Variants in TNXB observed in about 807,000 individuals in gnomAD.
The protein encoded by TNXB is tenascin XB.
Under a neutral mutation model 340.5 loss-of-function variants are expected in TNXB, and 183 were observed. The observed-to-expected ratio is 0.54, with a 90% confidence interval of 0.48 to 0.61. TNXB has a LOEUF of 0.61. Ranked by LOEUF, TNXB falls within the 20% of genes least tolerant of loss-of-function variation. TNXB has a pLI of 0.00. For missense variants in TNXB, 4,613 were observed against 5,446.4 expected, an observed-to-expected ratio of 0.85 and a Z score of 4.82; for synonymous variants, 2,121 against 2,314.5, an observed-to-expected ratio of 0.92 and a Z score of 2.40.
At position 32,075,003 on chromosome 6, in the gene TNXB, G is replaced by A. The variant is rs893874659; in HGVS notation, c.4376-1051C>T. 6.6e-6 allele frequency among the ~76,000 whole-genome samples: 1 copy of A among 152,178 alleles called. No individual in the cohort carries two copies. Among genetic ancestry groups the A allele is most frequent in the African/African-American group, 2.4e-5 (1 of 41,454 alleles). ...CCAGGATTACAACTTCATTCTTCCA[G>A]CTGCTCAGATCTAAACCGCCAGAGT... On this transcript the variant is annotated intron_variant, in intron 11 of 43. Coordinates refer to ENST00000644971, the MANE Select transcript of TNXB (RefSeq NM_001365276.2). The surrounding 1 kb of genome is among the most constrained non-coding windows in gnomAD (Gnocchi z 4.6).
Position 32,049,968 on chromosome 6 carries a change from C to T in TNXB, c.9439+30G>A. On this transcript the variant is annotated intron_variant, in intron 27 of 43. Coordinates refer to ENST00000644971, the MANE Select transcript of TNXB (RefSeq NM_001365276.2). This position sits in a 1 kb window ranked among gnomAD's most constrained non-coding sequence, Gnocchi z 4.5. Reference sequence around the variant, plus strand: ...AGCAAGAGGTGGCCCTCCCACAGCTCCCACCCTGGGGCTCCCATCATTCAC... The same window carrying T: ...AGCAAGAGGTGGCCCTCCCACAGCTTCCACCCTGGGGCTCCCATCATTCAC... The T allele has an allele frequency of 6.2e-7, 1 of 1,611,734 alleles. No homozygotes were observed. Among genetic ancestry groups the T allele is most frequent in the Non-Finnish European group, 8.5e-7 (1 of 1,178,158 alleles).
At position 32,056,038 on chromosome 6, in the gene TNXB, C is replaced by T. The variant is rs544204352; in HGVS notation, c.8280G>A (p.Gln2760=). The part of the protein sequence containing the change: ...DSLSLSWTIP[Q]GHFDSFTVQY... ...GCACGGTGAAGGAGTCGAAGTGGCC[C>T]TGGGGGATGGTCCAGGAGAGGCTCA... is the stretch of plus-strand genomic sequence containing the variant. The change falls in exon 24 of 44, where the codon CAG becomes CAA. Residue 2760 remains glutamine (Q), a synonymous_variant. Transcript: ENST00000644971. The T allele has an allele frequency of 1.9e-6, 3 of 1,613,058 alleles. No individual in the cohort carries two copies. Among genetic ancestry groups the T allele is most frequent in the African/African-American group, 2.7e-5 (2 of 75,046 alleles).
chr6:32,092,127 G>A (rs948176382), intron 4 of TNXB, among the ~76,000 whole-genome samples: 1 of 152,226 alleles, frequency 6.6e-6, no homozygotes, highest in African/African-American at 2.4e-5. Context: ...CCTCAGGCTG[G>A]AGGGGCATCA....
chr6:32,084,703 T>C lies in TNXB; in HGVS notation c.3155A>G (p.Asp1052Gly), dbSNP rs1196181140. The C allele has an allele frequency of 3.8e-6, 6 of 1,564,600 alleles. No homozygotes were observed. In the South Asian group the frequency reaches 4.7e-5, roughly 12 times the overall value. Residue 1052 changes from aspartate to glycine, a missense_variant, in exon 8 of 44, where the codon GAT becomes GGT. Transcript: ENST00000644971. The surrounding 1 kb of genome is among the most constrained non-coding windows in gnomAD (Gnocchi z 5.5). ...PIIYQGIMDK[D>G]EEKPGKSSGP... is the part of the protein sequence containing the mutation. Reference sequence around the variant, plus strand: ...TGAGGACTTCCCAGGCTTCTCCTCATCCTTGTCTGGAGTTTGAGAGGCAAA... The same window carrying C: ...TGAGGACTTCCCAGGCTTCTCCTCACCCTTGTCTGGAGTTTGAGAGGCAAA...
intron 24 of TNXB, among the ~76,000 whole-genome samples, chr6:32,054,728 T>C (rs1777527806): frequency 6.6e-6 from 1 of 152,144 alleles, no homozygotes; most frequent in African/African-American, 2.4e-5. Flanking sequence ...GTGAGCCCCA[T>C]GAAAACATGA....
rs1267543827 is a variant in TNXB at position 32,064,413 on chromosome 6, G to C, written c.6841+408C>G. 2.0e-5 allele frequency among the ~76,000 whole-genome samples: 3 copies of C among 152,076 alleles called. No homozygotes were observed. The highest frequency in any genetic ancestry group is 7.2e-5 in the African/African-American group (3 of 41,410). ...TTTTTAGTAGAGATGGGGGTTTCATGATGTTGGCCAGGCTGGTCTCGAACT... is the reference window on the plus strand; with the variant it reads ...TTTTTAGTAGAGATGGGGGTTTCATCATGTTGGCCAGGCTGGTCTCGAACT... On this transcript the variant is annotated intron_variant, in intron 19 of 43. Coordinates refer to ENST00000644971, the MANE Select transcript of TNXB (RefSeq NM_001365276.2). The surrounding 1 kb of genome is among the most constrained non-coding windows in gnomAD (Gnocchi z 5.3).
Position 32,097,628 on chromosome 6 carries a change from G to T in TNXB, c.403+168C>A. ...CTCTCAGGGCCCTCGCATATGCTTT[G>T]GTTGACATGTAGCCCAGCTCTGCTC... On this transcript the variant is annotated intron_variant, in intron 2 of 43. Transcript: ENST00000644971. This position sits in a 1 kb window ranked among gnomAD's most constrained non-coding sequence, Gnocchi z 5.9. 1 of 1,091,588 alleles carries T rather than the reference G, an allele frequency of 9.2e-7. No individual in the cohort carries two copies. Among genetic ancestry groups the T allele is most frequent in the Non-Finnish European group, 1.3e-6 (1 of 785,718 alleles). 67.6% of individuals were successfully genotyped at this position (1,091,588 alleles called of 1,614,324 possible). A position where few individuals can be genotyped will look rare whatever the true frequency, so the allele number is the denominator to read the frequency against.
chr6:32,073,981 G>T lies in TNXB; in HGVS notation c.4376-29C>A. The T allele has an allele frequency of 6.6e-7, 1 of 1,520,712 alleles. No individual in the cohort carries two copies. Among genetic ancestry groups the T allele is most frequent in the African/African-American group, 1.4e-5 (1 of 72,170 alleles). 94.2% of individuals were successfully genotyped at this position (1,520,712 alleles called of 1,614,324 possible). On this transcript the variant is annotated intron_variant, in intron 11 of 43. Transcript: ENST00000644971. The surrounding 1 kb of genome is among the most constrained non-coding windows in gnomAD (Gnocchi z 4.6). ...GGACAGAGATGGTAGGGGGCTGTTA[G>T]TAAAGAATCCCCCTTTTCTTATAGT...
rs958905021 is a variant in TNXB, at chr6:32,097,526, C to A, written c.404-77G>T. The stretch of plus-strand genomic sequence containing the variant: ...TGAGCCTATGTAGTGCTCCTATGTG[C>A]AGGCCCCTAGCCAGGCTAGCCTCAT... On this transcript the variant is annotated intron_variant, in intron 2 of 43. Transcript: ENST00000644971. The surrounding 1 kb of genome is among the most constrained non-coding windows in gnomAD (Gnocchi z 5.9). 2 of 1,503,460 alleles carry A rather than the reference C, an allele frequency of 1.3e-6. No homozygotes were observed. Among genetic ancestry groups the A allele is most frequent in the African/African-American group, 2.8e-5 (2 of 72,498 alleles). 93.1% of individuals were successfully genotyped at this position (1,503,460 alleles called of 1,614,324 possible).
At chr6:32,095,517 C>T in intron 3 of TNXB, 94 bp downstream of exon 3, 5 of 1,468,430 alleles carry the variant, frequency 3.4e-6, no homozygotes, top group Non-Finnish European at 3.7e-6. Context: ...ATGACATGCT[C>T]TCCCTCCACT....
At chr6:32,086,250 G>A in intron 6 of TNXB, 132 bp from the exon 7 acceptor site, 1 of 1,105,416 alleles carries the variant, frequency 9.0e-7, no homozygotes, top group South Asian at 2.2e-5. Flanking sequence ...CCTCACCTGG[G>A]CCACTCCCTC....
In TNXB at chr6:32,095,798, G is replaced by A. The variant is rs762670742; in HGVS notation, c.2055C>T (p.Ala685=). Residue 685 remains alanine (A), a synonymous_variant, in exon 3 of 44, where the codon GCC becomes GCT. Coordinates refer to ENST00000644971, the MANE Select transcript of TNXB (RefSeq NM_001365276.2). ...GCCCGCAGCCTCCAGGGCAGGCGCT[G>A]GCTGGAGGCTCTTCCTGCCCGCAGT... ...GEDCGQEEPP[A]SACPGGCGPR... The A allele has an allele frequency of 1.1e-5, 17 of 1,612,884 alleles. No individual in the cohort carries two copies. The highest frequency in any genetic ancestry group is 1.4e-5 in the Non-Finnish European group (16 of 1,179,536).
At chr6:32,093,293 C>G (rs1407325802) in intron 4 of TNXB, 2 of 676,436 alleles carry the variant, frequency 3.0e-6, no homozygotes, top group Non-Finnish European at 5.4e-6. Context: ...TCTCTAGTTG[C>G]CAAATTCTTG....
Position 32,089,446 on chromosome 6 carries a change from T to G in TNXB, c.2359-67A>C. 6.6e-7 allele frequency: 1 copy of G among 1,524,630 alleles called. No homozygotes were observed. The highest frequency in any genetic ancestry group is 8.8e-7 in the Non-Finnish European group (1 of 1,133,724). 94.4% of individuals were successfully genotyped at this position (1,524,630 alleles called of 1,614,324 possible). ...TGCCTCTGCTGCTCAATCCCCCTTA[T>G]CTCTTCTTTCTCCAATTCTAAACAG... On this transcript the variant is annotated intron_variant, in intron 4 of 43. Coordinates refer to ENST00000644971, the MANE Select transcript of TNXB (RefSeq NM_001365276.2). The surrounding 1 kb of genome is among the most constrained non-coding windows in gnomAD (Gnocchi z 6.2).
At position 32,079,426 on chromosome 6, in the gene TNXB, C is replaced by G. The variant is rs1177184428; in HGVS notation, c.4043-61G>C. The stretch of plus-strand genomic sequence containing the variant: ...CTTTGCTGCTGCTGCCCACAGATGA[C>G]AGCCATGGAAATGCCCTTACGCTGT... On this transcript the variant is annotated intron_variant, in intron 10 of 43. Coordinates refer to ENST00000644971, the MANE Select transcript of TNXB (RefSeq NM_001365276.2). The surrounding 1 kb of genome is among the most constrained non-coding windows in gnomAD (Gnocchi z 7.1). The G allele has an allele frequency of 2.9e-6, 4 of 1,392,050 alleles. No individual in the cohort carries two copies. The highest frequency in any genetic ancestry group is 3.9e-6 in the Non-Finnish European group (4 of 1,020,298). The allele number at this position is 1,392,050 out of a possible 1,614,324, so 86.2% of individuals were successfully genotyped here.
In TNXB at chr6:32,073,617, AG is replaced by A; in HGVS notation, c.4681+29del. 6.3e-7 allele frequency: 1 copy of A among 1,584,964 alleles called. No homozygotes were observed. Among genetic ancestry groups the A allele is most frequent in the Admixed American group, 1.7e-5 (1 of 59,020 alleles). On this transcript the variant is annotated intron_variant, in intron 12 of 43. Transcript: ENST00000644971. The surrounding 1 kb of genome is among the most constrained non-coding windows in gnomAD (Gnocchi z 4.6). Reference sequence around the variant, plus strand: ...GGGTGGGGGAGCTCTGGGTAACCAGAGATGAGGACTGAGTCCCCCCATTACT... The same window carrying A: ...GGGTGGGGGAGCTCTGGGTAACCAGAATGAGGACTGAGTCCCCCCATTACT...
intron 18 of TNXB, 87 bp from the exon 19 acceptor site, chr6:32,065,204 G>A: frequency 8.7e-7 from 1 of 1,152,212 alleles, no homozygotes; most frequent in African/African-American, 1.6e-5. Flanking sequence ...CAGAAGGTGG[G>A]CCCAGTCTGG....
In TNXB at chr6:32,085,900, C is replaced by T. The variant is rs1562859531; in HGVS notation, c.2998G>A (p.Gly1000Arg). ...YFQLRMRVPE[G>R]PGAHEEVLPG... ...AGCACTTCCTCATGTGCCCCCGGCC[C>T]CTCGGGCACCCGCATGCGCAGTTGG... Residue 1000 changes from glycine (G) to arginine (R), a missense_variant, in exon 7 of 44, where the codon GGG becomes AGG. Transcript: ENST00000644971. The surrounding 1 kb of genome is among the most constrained non-coding windows in gnomAD (Gnocchi z 6.4). 2 of 1,608,492 alleles carry T rather than the reference C, an allele frequency of 1.2e-6. No homozygotes were observed.
At position 32,096,334 on chromosome 6, in the gene TNXB, AGCGCCC is replaced by A; in HGVS notation, c.1513_1518del (p.Gly505_Arg506del). ...TTGCACACGCAGCGGCCATCCACGC[AGCGCCC>A]GCGCCCGCGACAGTCGCCAGGACAG... On this transcript the variant is annotated inframe_deletion, in exon 3 of 44. Coordinates refer to ENST00000644971, the MANE Select transcript of TNXB (RefSeq NM_001365276.2). 1 of 1,548,612 alleles carries A rather than the reference AGCGCCC, an allele frequency of 6.5e-7. No homozygotes were observed. Among genetic ancestry groups the A allele is most frequent in the Non-Finnish European group, 8.7e-7 (1 of 1,152,796 alleles).
Sources: gnomAD v4.1 joint callset for allele counts (sites outside exome capture counted in the v4.1 genomes callset) on GRCh38, gnomAD v4.1.1 for gene constraint, Gnocchi (gnomAD v3.1) non-coding constraint, MANE v1.5 for transcripts, NCBI Gene and HGNC (gene_info 2026-07-23, HGNC 2026-07-21) for gene names.